Variants in JAZF1 observed in about 807,000 individuals in gnomAD.
JAZF1 encodes the protein juxtaposed with another zinc finger protein 1.
Under a neutral mutation model 26.4 loss-of-function variants are expected in JAZF1, and 8 were observed. The ratio of observed to expected loss-of-function variants is 0.30; its 90% CI spans 0.18 to 0.55. JAZF1 has a LOEUF of 0.55. Ranked by LOEUF, JAZF1 falls within the 20% of genes least tolerant of loss-of-function variation. The pLI is 0.94. For missense variants in JAZF1, 199 were observed against 322.0 expected (o/e 0.62, Z 2.92); for synonymous variants, 126 against 122.3 (o/e 1.03, Z -0.20).
chr7:28,110,405 G>A (rs144879022), intron 1 of JAZF1, among the ~76,000 whole-genome samples: 2,127 of 147,704 alleles, frequency 0.014, 32 homozygotes, highest in African/African-American at 0.014. Context: ...CAGCCTGGGC[G>A]ACAGAGTGAG....
intron 2 of JAZF1, among the ~76,000 whole-genome samples, chr7:27,955,832 G>A (rs1186190973): frequency 6.6e-6 from 1 of 152,162 alleles, no homozygotes; most frequent in African/African-American, 2.4e-5. Context: ...GCTCAACAAG[G>A]TTAACCAGAC....
chr7:27,938,061 C>T (rs902015548), intron 2 of JAZF1, among the ~76,000 whole-genome samples: 1 of 152,222 alleles, frequency 6.6e-6, no homozygotes, highest in Non-Finnish European at 1.5e-5. Flanking sequence ...GAACCAATCT[C>T]AAACTGAAGA....
At position 27,909,504 on chromosome 7, in the gene JAZF1, C is replaced by T. The variant is rs1192858661; in HGVS notation, c.189-14088G>A. ...GGCGGATCACCTGAGGTCGGGAGTTCGAGACCAGCCTGACCAACATGGAGA... is the reference window on the plus strand; with the variant it reads ...GGCGGATCACCTGAGGTCGGGAGTTTGAGACCAGCCTGACCAACATGGAGA... On this transcript the variant is annotated intron_variant, in intron 2 of 4. Transcript: ENST00000283928. Among the ~76,000 whole-genome samples the T allele has an allele frequency of 2.6e-5, 4 of 151,900 alleles. No homozygotes were observed. In the South Asian group the frequency reaches 6.2e-4, roughly 24 times the overall value.
At chr7:28,052,677 T>C (rs1783634640) in intron 1 of JAZF1, among the ~76,000 whole-genome samples, 1 of 152,210 alleles carries the variant, frequency 6.6e-6, no homozygotes, top group Non-Finnish European at 1.5e-5. Flanking sequence ...TTACTTGTGA[T>C]TACTTGATAT....
intron 2 of JAZF1, among the ~76,000 whole-genome samples, chr7:27,912,696 C>T (rs1028196778): frequency 6.6e-6 from 1 of 152,078 alleles, no homozygotes; most frequent in Non-Finnish European, 1.5e-5. Context: ...TTTTTCCCCC[C>T]TATATAATTT....
At chr7:27,927,366 GA>G (rs1784617695) in intron 2 of JAZF1, among the ~76,000 whole-genome samples, 1 of 152,196 alleles carries the variant, frequency 6.6e-6, no homozygotes, top group African/African-American at 2.4e-5. Flanking sequence ...GATGGGCTGC[GA>G]AACCTTTCTG....
intron 1 of JAZF1, chr7:28,117,980 A>ACAC (rs1189858688): frequency 6.6e-6 from 1 of 152,202 alleles, no homozygotes; most frequent in Admixed American, 6.5e-5. Flanking sequence ...TTTTATATGA[A>ACAC]CACCAGTACG....
At chr7:27,934,051 A>G (rs932380301) in intron 2 of JAZF1, among the ~76,000 whole-genome samples, 4 of 152,226 alleles carry the variant, frequency 2.6e-5, no homozygotes, top group Admixed American at 6.5e-5. Context: ...CATTAGCCGC[A>G]TGGAAATTGA....
At chr7:28,067,196 A>G (rs1432627469) in intron 1 of JAZF1, among the ~76,000 whole-genome samples, 1 of 152,214 alleles carries the variant, frequency 6.6e-6, no homozygotes, top group East Asian at 1.9e-4. Context: ...GAGATAGGAA[A>G]GGCTGGGTCT....
intron 1 of JAZF1, among the ~76,000 whole-genome samples, chr7:28,114,383 T>A (rs1784707815): frequency 6.6e-6 from 1 of 151,872 alleles, no homozygotes; most frequent in Admixed American, 6.6e-5. Context: ...GCGGGTTTGG[T>A]GCTACTGACA....
intron 2 of JAZF1, among the ~76,000 whole-genome samples, chr7:27,965,920 CCA>C (rs748864554): frequency 6.6e-6 from 1 of 152,184 alleles, no homozygotes; most frequent in African/African-American, 2.4e-5. Context: ...AGCAATGCAA[CCA>C]CTGCATATAC....
intron 3 of JAZF1, among the ~76,000 whole-genome samples, chr7:27,849,117 T>G (rs1484701352): frequency 6.6e-6 from 1 of 152,196 alleles, no homozygotes; most frequent in Non-Finnish European, 1.5e-5. Context: ...TGATTTATTT[T>G]TAAATTGAAT....
chr7:28,095,794 G>C (rs951194703), intron 1 of JAZF1, among the ~76,000 whole-genome samples: 31 of 152,184 alleles, frequency 2.0e-4, no homozygotes, highest in Admixed American at 2.0e-3. Flanking sequence ...CAGCCAGAGT[G>C]GCCTGAACAA....
intron 1 of JAZF1, among the ~76,000 whole-genome samples, chr7:28,049,371 AC>A (rs1010638081): frequency 1.3e-5 from 2 of 151,996 alleles, no homozygotes; most frequent in Non-Finnish European, 2.9e-5. Context: ...GGCGTGAGCC[AC>A]CGCGCCCGGC....
intron 1 of JAZF1, among the ~76,000 whole-genome samples, chr7:28,131,242 T>C (rs1782788402): frequency 2.6e-5 from 4 of 152,174 alleles, no homozygotes; most frequent in African/African-American, 9.7e-5. Context: ...TGCAATATGA[T>C]TGAATTGCAT....
chr7:27,945,183 T>C (rs1179263836), intron 2 of JAZF1, among the ~76,000 whole-genome samples: 3 of 152,152 alleles, frequency 2.0e-5, no homozygotes, highest in African/African-American at 7.2e-5. Flanking sequence ...AGCACACCGC[T>C]GTTGGACACA....
intron 2 of JAZF1, among the ~76,000 whole-genome samples, chr7:27,896,963 T>C (rs1038861367): frequency 3.3e-5 from 5 of 152,258 alleles, no homozygotes; most frequent in African/African-American, 1.2e-4. Flanking sequence ...GGTAGCCAGG[T>C]AGGTACTCAT....
At chr7:28,079,011 A>G (rs1399170871) in intron 1 of JAZF1, among the ~76,000 whole-genome samples, 1 of 145,632 alleles carries the variant, frequency 6.9e-6, no homozygotes, top group Non-Finnish European at 1.5e-5. Flanking sequence ...TTTTTTTGAG[A>G]CAGAGTTTGC....
At chr7:28,059,954 T>C (rs1386734165) in intron 1 of JAZF1, among the ~76,000 whole-genome samples, 1 of 152,196 alleles carries the variant, frequency 6.6e-6, no homozygotes, top group Non-Finnish European at 1.5e-5. Flanking sequence ...TTTAGTCGTG[T>C]TTAATGTGTT....
Sources: allele counts gnomAD v4.1 joint callset (sites outside exome capture counted in the v4.1 genomes callset), GRCh38; gene constraint gnomAD v4.1.1; transcripts MANE v1.5; gene names NCBI Gene and HGNC (gene_info 2026-07-23, HGNC 2026-07-21).